The following CNTN4 variants were observed in gnomAD, a reference collection of about 807,000 sequenced individuals.
The protein encoded by CNTN4 is contactin 4.
In CNTN4, 77 loss-of-function variants were observed where a neutral mutation model predicts 122.5. That is an observed-to-expected ratio of 0.63 (90% CI 0.52 to 0.76). The LOEUF (loss-of-function observed/expected upper bound fraction) is 0.76. Ranked by LOEUF, CNTN4 falls within the 30% of genes least tolerant of loss-of-function variation. The pLI, the probability that CNTN4 is intolerant of heterozygous loss-of-function variation, is 0.00. For synonymous variants in CNTN4, 512 were observed against 447.0 expected (o/e 1.15, Z -1.83); for missense variants, 1,256 against 1,259.1 (o/e 1.00, Z 0.04).
chr3:2,207,736 T>C (rs1057378086), intron 2 of CNTN4, among the ~76,000 whole-genome samples: 3 of 152,128 alleles, frequency 2.0e-5, no homozygotes, highest in African/African-American at 2.4e-5. Flanking sequence ...TGAAGGTAGC[T>C]ACACCAAAGA....
chr3:2,600,560 A>G (rs1576169190), intron 4 of CNTN4, among the ~76,000 whole-genome samples: 1 of 152,210 alleles, frequency 6.6e-6, no homozygotes, highest in African/African-American at 2.4e-5. Flanking sequence ...ATAGTATTCC[A>G]TGGTGTCTAT....
Position 3,030,951 on chromosome 3 carries a change from G to T in CNTN4, c.1759G>T (p.Ala587Ser), listed in dbSNP as rs150478813. ...CCAAACAAGTGTGGACAGGCTATCT[G>T]CTGCTGCAGACCTGATTGTAAGAGG... ...MVQTSVDRLS[A>S]AADLIVRGPP... The change falls in exon 16 of 25, where the codon GCT becomes TCT. Residue 587 changes from alanine (A) to serine (S), a missense_variant. Coordinates refer to ENST00000418658, the MANE Select transcript of CNTN4 (RefSeq NM_175607.3). 2.1e-3 allele frequency: 3,390 copies of T among 1,614,052 alleles called. 113 individuals carry two copies. The Admixed American group carries it at 0.052, about 25-fold the overall frequency.
At chr3:2,482,010 A>T (rs1436038287) in intron 3 of CNTN4, among the ~76,000 whole-genome samples, 1 of 152,206 alleles carries the variant, frequency 6.6e-6, no homozygotes, top group East Asian at 1.9e-4. Flanking sequence ...TTGGTACTGC[A>T]GAGAGTGGGG....
At chr3:3,028,140 T>G (rs1014186423) in intron 15 of CNTN4, among the ~76,000 whole-genome samples, 1 of 152,172 alleles carries the variant, frequency 6.6e-6, no homozygotes, top group Non-Finnish European at 1.5e-5. Context: ...GTCAGCATGG[T>G]GGAAATGATG....
At chr3:2,556,601 A>T (rs2078730802) in intron 3 of CNTN4, among the ~76,000 whole-genome samples, 1 of 152,168 alleles carries the variant, frequency 6.6e-6, no homozygotes, top group African/African-American at 2.4e-5. Flanking sequence ...TAAGTTTTAT[A>T]TATGTGTGCA....
At chr3:3,005,253 C>G (rs970643350) in intron 14 of CNTN4, among the ~76,000 whole-genome samples, 1 of 152,140 alleles carries the variant, frequency 6.6e-6, no homozygotes, top group African/African-American at 2.4e-5. Flanking sequence ...GTGCTTTTCC[C>G]TTTTTATTTT....
intron 2 of CNTN4, among the ~76,000 whole-genome samples, chr3:2,319,480 G>C (rs536049887): frequency 3.6e-4 from 55 of 152,122 alleles, no homozygotes; most frequent in African/African-American, 1.3e-3. Context: ...TTTCACCTCT[G>C]TCACCCCAGA....
intron 3 of CNTN4, among the ~76,000 whole-genome samples, chr3:2,454,883 G>C (rs533822797): frequency 2.0e-5 from 3 of 152,256 alleles, no homozygotes; most frequent in African/African-American, 7.2e-5. Context: ...TATAGCTGTT[G>C]CATTTAAGAA....
At chr3:2,139,290 C>T (rs1039890592) in intron 2 of CNTN4, among the ~76,000 whole-genome samples, 6 of 152,032 alleles carry the variant, frequency 3.9e-5, no homozygotes, top group Non-Finnish European at 7.4e-5. Context: ...TATGTACTAA[C>T]GTAATTTGAA....
chr3:2,923,317 C>T (rs1414666243), intron 12 of CNTN4, among the ~76,000 whole-genome samples: 1 of 147,970 alleles, frequency 6.8e-6, no homozygotes, highest in Non-Finnish European at 1.5e-5. Context: ...GAATACCTGA[C>T]TTTTTTTTTT....
intron 4 of CNTN4, among the ~76,000 whole-genome samples, chr3:2,689,504 G>T (rs1312448403): frequency 6.6e-6 from 1 of 152,020 alleles, no homozygotes; most frequent in Non-Finnish European, 1.5e-5. Flanking sequence ...TTTGTGACTT[G>T]CCTCAACCCA....
intron 4 of CNTN4, among the ~76,000 whole-genome samples, chr3:2,601,790 A>T (rs574382509): frequency 3.3e-5 from 5 of 152,156 alleles, no homozygotes; most frequent in African/African-American, 1.2e-4. Flanking sequence ...ACACAACAAA[A>T]AAAGAGAATT....
intron 2 of CNTN4, among the ~76,000 whole-genome samples, chr3:2,259,119 T>C (rs1198624767): frequency 6.6e-6 from 1 of 152,030 alleles, no homozygotes; most frequent in East Asian, 1.9e-4. Context: ...TTTGAGGCCA[T>C]TTTTCTTCAG....
intron 2 of CNTN4, among the ~76,000 whole-genome samples, chr3:2,115,793 G>C (rs2033308946): frequency 1.3e-5 from 2 of 152,154 alleles, no homozygotes; most frequent in African/African-American, 4.8e-5. Flanking sequence ...AATTCATATT[G>C]TCCAGTGCCT....
At chr3:2,393,106 T>C (rs536368112) in intron 3 of CNTN4, among the ~76,000 whole-genome samples, 106 of 152,256 alleles carry the variant, frequency 7.0e-4, no homozygotes, top group African/African-American at 2.5e-3. Flanking sequence ...TCTTCTACCT[T>C]CTTGTGGTTT....
intron 3 of CNTN4, among the ~76,000 whole-genome samples, chr3:2,469,472 G>A (rs1440372931): frequency 1.3e-5 from 2 of 152,104 alleles, no homozygotes; most frequent in East Asian, 1.9e-4. Context: ...ACAGTTTTAT[G>A]GACTTTGAGT....
intron 13 of CNTN4, among the ~76,000 whole-genome samples, chr3:2,929,601 G>A (rs1361781256): frequency 6.6e-6 from 1 of 152,186 alleles, no homozygotes; most frequent in Non-Finnish European, 1.5e-5. Context: ...TGCTCACACA[G>A]TATCATCAGG....
intron 2 of CNTN4, among the ~76,000 whole-genome samples, chr3:2,156,022 A>G (rs531174632): frequency 3.0e-4 from 46 of 152,254 alleles, no homozygotes; most frequent in African/African-American, 9.9e-4. Flanking sequence ...CTTCTCCAGT[A>G]AGAGATTTCA....
rs200848647 is a variant in CNTN4, at chr3:2,745,571, A to G, written c.232A>G (p.Ser78Gly). The G allele has an allele frequency of 1.9e-6, 3 of 1,614,078 alleles. No homozygotes were observed. The highest frequency in any genetic ancestry group is 2.5e-6 in the Non-Finnish European group (3 of 1,180,012). ...TGACACTGGTATGGATTTCCGCTAC[A>G]GTGTTGTTGAAGGGAGCTTGTTGAT... ...DVDTGMDFRY[S>G]VVEGSLLINN... The change falls in exon 6 of 25, where the codon AGT becomes GGT. Residue 78 changes from serine (S) to glycine (G), a missense_variant. By Grantham distance (56) the Ser-to-Gly change is moderately conservative. Coordinates refer to ENST00000418658, the MANE Select transcript of CNTN4 (RefSeq NM_175607.3).
Sources: gnomAD v4.1 joint callset for allele counts (sites outside exome capture counted in the v4.1 genomes callset) on GRCh38, gnomAD v4.1.1 for gene constraint, MANE v1.5 for transcripts, NCBI Gene and HGNC (gene_info 2026-07-23, HGNC 2026-07-21) for gene names.